Variants in TBC1D5 observed in about 807,000 individuals in gnomAD.
TBC1D5 encodes TBC1 domain family member 5.
Under a neutral mutation model 100.3 loss-of-function variants are expected in TBC1D5, and 75 were observed. The observed-to-expected ratio is 0.75, with a 90% CI of 0.62 to 0.91. The LOEUF is 0.91. Among genes scored for constraint, TBC1D5 ranks in the 40% least tolerant of loss-of-function variants. The pLI, the probability that TBC1D5 is intolerant of heterozygous loss-of-function variation, is 0.00. For missense variants in TBC1D5, 910 were observed against 942.4 expected (o/e 0.97, Z 0.45); for synonymous variants, 323 against 325.6 (o/e 0.99, Z 0.09).
intron 1 of TBC1D5, among the ~76,000 whole-genome samples, chr3:17,640,523 T>C (rs1015619209): frequency 3.3e-5 from 5 of 151,972 alleles, no homozygotes; most frequent in African/African-American, 9.7e-5. Context: ...CTAAGGACAA[T>C]GTTATAAAAA....
At chr3:17,631,289 G>C (rs1209767015) in intron 1 of TBC1D5, among the ~76,000 whole-genome samples, 2 of 152,120 alleles carry the variant, frequency 1.3e-5, no homozygotes, top group Non-Finnish European at 2.9e-5. Flanking sequence ...TCAATTCCAT[G>C]AAGATGAGAG....
intron 1 of TBC1D5, among the ~76,000 whole-genome samples, chr3:17,689,906 C>T (rs1031841507): frequency 1.3e-5 from 2 of 152,000 alleles, no homozygotes; most frequent in South Asian, 2.1e-4. Flanking sequence ...CCCCTCCCCC[C>T]CAAAAAATCA....
chr3:17,191,899 T>C (rs982119427), intron 18 of TBC1D5, among the ~76,000 whole-genome samples: 21 of 152,036 alleles, frequency 1.4e-4, no homozygotes, highest in Non-Finnish European at 2.8e-4. Flanking sequence ...GCTGGGATTA[T>C]AGGCATGAGT....
chr3:17,213,849 T>C (rs1012899770), intron 18 of TBC1D5, among the ~76,000 whole-genome samples: 2 of 151,822 alleles, frequency 1.3e-5, no homozygotes, highest in Non-Finnish European at 2.9e-5. Flanking sequence ...TCAAGAAATA[T>C]TTAAAATGGA....
chr3:17,364,477 T>C (rs2091973485), intron 13 of TBC1D5, among the ~76,000 whole-genome samples: 1 of 152,228 alleles, frequency 6.6e-6, no homozygotes, highest in African/African-American at 2.4e-5. Context: ...AAAAACTGAA[T>C]GTTTTATGAC....
At chr3:17,521,036 A>G (rs2096058371) in intron 2 of TBC1D5, among the ~76,000 whole-genome samples, 1 of 152,212 alleles carries the variant, frequency 6.6e-6, no homozygotes. Flanking sequence ...TTGTTTTTCA[A>G]TTACCCTGAA....
Position 17,693,235 on chromosome 3 carries a change from A to C in TBC1D5, c.-101+46108T>G, listed in dbSNP as rs555705248. ...GGTTCATCTCATTGGGACTGGTTGG[A>C]CATTGGGTGCAGCCCACGGAAGGCA... On this transcript the variant is annotated intron_variant, in intron 1 of 21. Transcript: ENST00000253692. 2.0e-5 allele frequency among the ~76,000 whole-genome samples: 3 copies of C among 152,330 alleles called. 1 individual carries two copies. The South Asian group carries it at 6.2e-4, about 32-fold the overall frequency.
intron 18 of TBC1D5, among the ~76,000 whole-genome samples, chr3:17,193,222 T>A (rs570316807): frequency 1.3e-5 from 2 of 152,204 alleles, no homozygotes; most frequent in African/African-American, 4.8e-5. Flanking sequence ...TAGATAGTGA[T>A]CATTCAAACC....
Position 17,250,275 on chromosome 3 carries a change from C to T in TBC1D5, c.1331+8231G>A, listed in dbSNP as rs992544627. Among the ~76,000 whole-genome samples the T allele has an allele frequency of 2.6e-5, 4 of 152,318 alleles. No homozygotes were observed. The East Asian group carries it at 7.7e-4, about 29-fold the overall frequency. ...CCAATACCATGTTACCATATCATTG[C>T]TAATCTTGCTGCTCATCTCCTAACT... On this transcript the variant is annotated intron_variant, in intron 16 of 21. Coordinates refer to ENST00000253692, the Ensembl canonical transcript of TBC1D5.
intron 12 of TBC1D5, among the ~76,000 whole-genome samples, chr3:17,373,713 A>C (rs1372190229): frequency 2.6e-5 from 4 of 152,126 alleles, no homozygotes; most frequent in Admixed American, 6.5e-5. Context: ...CAATATGAAC[A>C]CTGAAAACAC....
At chr3:17,419,567 C>T (rs1169154877) in intron 4 of TBC1D5, among the ~76,000 whole-genome samples, 1 of 152,194 alleles carries the variant, frequency 6.6e-6, no homozygotes, top group African/African-American at 2.4e-5. Flanking sequence ...GTACATGTTG[C>T]TCGCCTCCCT....
intron 8 of TBC1D5, among the ~76,000 whole-genome samples, chr3:17,389,000 C>T (rs1284132606): frequency 6.6e-6 from 1 of 152,112 alleles, no homozygotes; most frequent in Non-Finnish European, 1.5e-5. Context: ...ATTCTTAACA[C>T]TTTGTTCAAG....
intron 16 of TBC1D5, among the ~76,000 whole-genome samples, chr3:17,253,926 A>G: frequency 6.6e-6 from 1 of 152,370 alleles, no homozygotes; most frequent in African/African-American, 2.4e-5. Context: ...TAGAAGGCTG[A>G]CTTTTCATAT....
intron 2 of TBC1D5, among the ~76,000 whole-genome samples, chr3:17,592,034 C>T (rs111494648): frequency 0.068 from 10,321 of 152,280 alleles, 748 homozygotes; most frequent in East Asian, 0.31. Context: ...GGTTTCATTG[C>T]TTGAGCAAAT....
chr3:17,167,382 G>A (rs530906649), intron 20 of TBC1D5, among the ~76,000 whole-genome samples: 2 of 152,306 alleles, frequency 1.3e-5, no homozygotes, highest in East Asian at 1.9e-4. Context: ...GTCCTTGAGG[G>A]TCTGAGGCCT....
chr3:17,385,811 T>C (rs1334730455), intron 8 of TBC1D5, among the ~76,000 whole-genome samples: 3 of 151,916 alleles, frequency 2.0e-5, no homozygotes, highest in African/African-American at 7.2e-5. Flanking sequence ...AATGTGATGA[T>C]CTCCCAGGCA....
intron 3 of TBC1D5, among the ~76,000 whole-genome samples, chr3:17,430,237 T>C (rs79201646): frequency 0.017 from 2,557 of 151,838 alleles, 62 homozygotes; most frequent in Non-Finnish European, 0.021. Context: ...ATAATCAGCA[T>C]AGAATAAGTA....
intron 8 of TBC1D5, among the ~76,000 whole-genome samples, chr3:17,398,183 G>T (rs1176404178): frequency 6.6e-6 from 1 of 152,046 alleles, no homozygotes; most frequent in Non-Finnish European, 1.5e-5. Flanking sequence ...AAATTAGAAT[G>T]CTGTAAATGG....
At chr3:17,409,988 T>C (rs1247584813) in intron 4 of TBC1D5, among the ~76,000 whole-genome samples, 1 of 152,182 alleles carries the variant, frequency 6.6e-6, no homozygotes, top group Non-Finnish European at 1.5e-5. Context: ...ATATTCAATG[T>C]AGACATAACA....
Sources: gnomAD v4.1 joint callset for allele counts (sites outside exome capture counted in the v4.1 genomes callset) on GRCh38, gnomAD v4.1.1 for gene constraint, MANE v1.5 for transcripts, NCBI Gene and HGNC (gene_info 2026-07-23, HGNC 2026-07-21) for gene names.